Variants in FAAH2 observed in about 807,000 individuals in gnomAD.
The protein encoded by FAAH2 is fatty acid amide hydrolase 2, also known as fatty-acid amide hydrolase 2.
A neutral mutation model predicts 36.9 loss-of-function variants in FAAH2; 60 were observed. That is an observed-to-expected ratio of 1.63 (90% CI 1.32 to 2.02). The LOEUF (loss-of-function observed/expected upper bound fraction) is 2.02. Among genes scored for constraint, FAAH2 ranks in the 30% most tolerant of loss-of-function variants. FAAH2 has a pLI of 0.00. For synonymous variants in FAAH2, 214 were observed against 143.8 expected (o/e 1.49, Z -3.49); for missense variants, 689 against 397.5 (o/e 1.73, Z -6.23).
chrX:57,349,448 G>T (rs1297489045), intron 5 of FAAH2, among the ~76,000 whole-genome samples: 3 of 92,441 alleles, frequency 3.2e-5, no homozygotes, highest in African/African-American at 7.9e-5. Context: ...TATACACATA[G>T]ATACATATAT....
intron 5 of FAAH2, among the ~76,000 whole-genome samples, chrX:57,348,649 C>T (rs772612011): frequency 9.0e-6 from 1 of 111,262 alleles, no homozygotes; most frequent in South Asian, 3.8e-4. Context: ...AACAAGCATA[C>T]CCAAACACAC....
chrX:57,150,668 T>A, the FAAH2 span, among the ~76,000 whole-genome samples: 1 of 112,099 alleles, frequency 8.9e-6, no homozygotes, highest in South Asian at 3.7e-4. Flanking sequence ...GCATGTGAGA[T>A]GGGTTTCGTG....
the FAAH2 span, among the ~76,000 whole-genome samples, chrX:57,150,219 A>G: frequency 8.9e-6 from 1 of 112,137 alleles, no homozygotes; most frequent in African/African-American, 3.2e-5. Context: ...TGTGGTGCTG[A>G]AAAGAATGTA....
intron 3 of FAAH2, among the ~76,000 whole-genome samples, chrX:57,321,683 A>G (rs2053030728): frequency 9.0e-6 from 1 of 110,532 alleles, no homozygotes; most frequent in African/African-American, 3.3e-5. Context: ...CATAACAAGG[A>G]GTCTTGCTTC....
the FAAH2 span, among the ~76,000 whole-genome samples, chrX:57,140,273 C>T: frequency 9.1e-6 from 1 of 109,569 alleles, no homozygotes; most frequent in African/African-American, 3.3e-5. Context: ...ATCATATTAT[C>T]TGCAAATAAA....
chrX:57,247,050 A>G, the FAAH2 span, among the ~76,000 whole-genome samples: 3 of 111,821 alleles, frequency 2.7e-5, no homozygotes, highest in Non-Finnish European at 5.6e-5. Context: ...TATTTTATTA[A>G]TCATTAAAAA....
chrX:57,356,452 ATT>A (rs376905760), intron 5 of FAAH2, among the ~76,000 whole-genome samples: 10 of 110,343 alleles, frequency 9.1e-5, no homozygotes, highest in African/African-American at 3.3e-4. Flanking sequence ...GTTCTTTCAG[ATT>A]TTTTCTCTCT....
intron 7 of FAAH2, among the ~76,000 whole-genome samples, chrX:57,390,875 TA>T (rs1434292496): frequency 9.0e-6 from 1 of 111,652 alleles, no homozygotes; most frequent in Admixed American, 9.5e-5. Flanking sequence ...ATGGTAGCTT[TA>T]TTTTGGTTCT....
chrX:57,484,158 C>T (rs1484254365), intron 10 of FAAH2, among the ~76,000 whole-genome samples: 4 of 110,687 alleles, frequency 3.6e-5, no homozygotes, highest in Non-Finnish European at 5.7e-5. Context: ...CAGGGGGTAG[C>T]ACTTAAGGGT....
intron 7 of FAAH2, among the ~76,000 whole-genome samples, chrX:57,405,049 T>C (rs1386533868): frequency 2.7e-5 from 3 of 111,569 alleles, no homozygotes; most frequent in Non-Finnish European, 5.7e-5. Context: ...CCCACCTGAG[T>C]CTTAAGTTCA....
At chrX:57,138,523 G>GT in the FAAH2 span, among the ~76,000 whole-genome samples, 3 of 110,898 alleles carry the variant, frequency 2.7e-5, no homozygotes, top group Non-Finnish European at 5.7e-5. Context: ...AAATAAATAT[G>GT]TGAGTGCAGA....
intron 10 of FAAH2, among the ~76,000 whole-genome samples, chrX:57,455,550 AC>A (rs955473924): frequency 1.8e-5 from 2 of 111,640 alleles, no homozygotes; most frequent in African/African-American, 6.5e-5. Flanking sequence ...TCTTCAAGAG[AC>A]CCATTTCAAC....
chrX:57,461,340 A>C (rs1486173955), intron 10 of FAAH2, among the ~76,000 whole-genome samples: 4 of 111,625 alleles, frequency 3.6e-5, no homozygotes, highest in Non-Finnish European at 7.5e-5. Context: ...ACCCCAAATC[A>C]GCAGAATACA....
chrX:57,224,663 T>A, the FAAH2 span, among the ~76,000 whole-genome samples: 11 of 112,247 alleles, frequency 9.8e-5, no homozygotes, highest in Non-Finnish European at 1.7e-4. Context: ...CTGGGAACAA[T>A]GTAGCAGTTA....
At chrX:57,467,865 CA>C (rs2057080585) in intron 10 of FAAH2, among the ~76,000 whole-genome samples, 1 of 111,801 alleles carries the variant, frequency 8.9e-6, no homozygotes, top group African/African-American at 3.3e-5. Context: ...GGCAGACTGA[CA>C]CCTCACACAG....
chrX:57,295,603 G>A (rs1379019652), intron 2 of FAAH2, among the ~76,000 whole-genome samples: 1 of 111,863 alleles, frequency 8.9e-6, no homozygotes, highest in Non-Finnish European at 1.9e-5. Context: ...GTGCTGGACA[G>A]TGGGTGCAGG....
intron 3 of FAAH2, among the ~76,000 whole-genome samples, chrX:57,317,339 A>G (rs1056524594): frequency 8.9e-6 from 1 of 112,591 alleles, no homozygotes; most frequent in African/African-American, 3.2e-5. Context: ...AAGCAAATGT[A>G]AAGCGAAAAA....
chrX:57,164,944 A>G, the FAAH2 span, among the ~76,000 whole-genome samples: 10,830 of 112,247 alleles, frequency 0.096, 1,217 homozygotes, highest in African/African-American at 0.32. Context: ...TCGTTATCAT[A>G]AGCATAATAG....
intron 5 of FAAH2, among the ~76,000 whole-genome samples, chrX:57,351,356 A>G (rs2053994371): frequency 9.0e-6 from 1 of 111,439 alleles, no homozygotes; most frequent in Admixed American, 9.5e-5. Flanking sequence ...AGAGAAGTAT[A>G]TGGTAATAAA....
Sources: allele counts gnomAD v4.1 joint callset (sites outside exome capture counted in the v4.1 genomes callset), GRCh38; gene constraint gnomAD v4.1.1; transcripts MANE v1.5; gene names NCBI Gene and HGNC (gene_info 2026-07-23, HGNC 2026-07-21).